The following KCNK9 variants were observed in gnomAD, a reference collection of about 807,000 sequenced individuals.
KCNK9 encodes the protein potassium channel subfamily K member 9.
Under a neutral mutation model 10.8 loss-of-function variants are expected in KCNK9, and 1 was observed. The ratio of observed to expected loss-of-function variants is 0.09; its 90% confidence interval spans 0.03 to 0.44. KCNK9 has a LOEUF of 0.44. KCNK9 is among the 20% of genes least tolerant of loss of function. The pLI is 0.97. For synonymous variants in KCNK9, 231 were observed against 222.7 expected, an observed-to-expected ratio of 1.04 and a Z score of -0.33; for missense variants, 303 against 515.0, an observed-to-expected ratio of 0.59 and a Z score of 3.98.
intron 2 of KCNK9, among the ~76,000 whole-genome samples, chr8:139,601,775 T>G (rs1409698276): frequency 6.6e-6 from 1 of 152,226 alleles, no homozygotes; most frequent in African/African-American, 2.4e-5. Context: ...TTATTGCATG[T>G]TAGGTTCTCT....
At chr8:139,663,739 A>G (rs1257621920) in intron 1 of KCNK9, among the ~76,000 whole-genome samples, 7 of 151,712 alleles carry the variant, frequency 4.6e-5, no homozygotes, top group African/African-American at 1.7e-4. Flanking sequence ...GCCTTAACTC[A>G]GTGTCGCTGC....
intron 1 of KCNK9, among the ~76,000 whole-genome samples, chr8:139,690,361 T>C (rs1354937593): frequency 6.6e-6 from 1 of 152,070 alleles, no homozygotes; most frequent in Non-Finnish European, 1.5e-5. Flanking sequence ...AAAAACAGAA[T>C]CCCATGGGCA....
chr8:139,670,826 A>G lies in KCNK9; in HGVS notation c.283+31884T>C, dbSNP rs1311281930. On this transcript the variant is annotated intron_variant, in intron 1 of 1. Coordinates refer to ENST00000520439, the MANE Select transcript of KCNK9 (RefSeq NM_001282534.2). ...ATGATTTTGTTTTTTAACGTTAAAA[A>G]CAATGTGGTAGGTCAAACGTGGGTG... Among the ~76,000 whole-genome samples, 4 of 152,316 alleles carry G rather than the reference A, an allele frequency of 2.6e-5. No individual in the cohort carries two copies. The East Asian group carries it at 7.7e-4, about 29-fold the overall frequency.
intron 1 of KCNK9, among the ~76,000 whole-genome samples, chr8:139,636,232 A>C (rs901615155): frequency 6.6e-6 from 1 of 152,190 alleles, no homozygotes; most frequent in Non-Finnish European, 1.5e-5. Context: ...ATTCTCCTGG[A>C]TGAAGGAATG....
intron 1 of KCNK9, among the ~76,000 whole-genome samples, chr8:139,700,446 C>G (rs941503656): frequency 6.6e-6 from 1 of 151,702 alleles, no homozygotes; most frequent in African/African-American, 2.4e-5. Flanking sequence ...AACAGGACAG[C>G]TGTGTTAGTG....
intron 1 of KCNK9, among the ~76,000 whole-genome samples, chr8:139,644,944 C>T (rs1165760571): frequency 2.0e-5 from 3 of 152,216 alleles, no homozygotes; most frequent in African/African-American, 7.2e-5. Flanking sequence ...CATCCCCGCC[C>T]ACAGTGCAGA....
At chr8:139,622,702 C>A (rs778852851) in intron 1 of KCNK9, among the ~76,000 whole-genome samples, 1 of 152,190 alleles carries the variant, frequency 6.6e-6, no homozygotes, top group Admixed American at 6.5e-5. Context: ...CCTGCAGAGA[C>A]CCTGTTACAC....
rs1194917905 is a variant in KCNK9, at chr8:139,702,383, G to A, written c.283+327C>T. 6.6e-6 allele frequency among the ~76,000 whole-genome samples: 1 copy of A among 151,924 alleles called. No individual in the cohort carries two copies. Among genetic ancestry groups the A allele is most frequent in the Non-Finnish European group, 1.5e-5 (1 of 67,938 alleles). Reference sequence around the variant, plus strand: ...GCGCCGGGGCGGTGGGTGGGTGGGTGTCTGCTATGGGATTATTCTTAGCGC... The same window carrying A: ...GCGCCGGGGCGGTGGGTGGGTGGGTATCTGCTATGGGATTATTCTTAGCGC... On this transcript the variant is annotated intron_variant, in intron 1 of 1. Coordinates refer to ENST00000520439, the MANE Select transcript of KCNK9 (RefSeq NM_001282534.2). The surrounding 1 kb of genome is among the most constrained non-coding windows in gnomAD (Gnocchi z 7.5).
intron 1 of KCNK9, among the ~76,000 whole-genome samples, chr8:139,619,641 C>G (rs1011908842): frequency 2.6e-5 from 4 of 152,148 alleles, no homozygotes; most frequent in Admixed American, 2.6e-4. Context: ...ATTCTAGCCT[C>G]TAAACAACCA....
intron 1 of KCNK9, among the ~76,000 whole-genome samples, chr8:139,700,789 C>G (rs1241853263): frequency 1.3e-5 from 2 of 152,226 alleles, no homozygotes; most frequent in Non-Finnish European, 2.9e-5. Context: ...TCAGAATCAA[C>G]CATGGAAACA....
chr8:139,661,272 C>T (rs1165379463), intron 1 of KCNK9, among the ~76,000 whole-genome samples: 1 of 152,232 alleles, frequency 6.6e-6, no homozygotes, highest in African/African-American at 2.4e-5. Context: ...TCCACCCACA[C>T]AGAGCTTACA....
intron 1 of KCNK9, among the ~76,000 whole-genome samples, chr8:139,667,707 TG>T (rs1383594628): frequency 6.7e-6 from 1 of 148,200 alleles, no homozygotes; most frequent in African/African-American, 2.5e-5. Context: ...GAAAAAAAAA[TG>T]GTCCTCACAA....
chr8:139,657,241 G>A (rs1816045300), intron 1 of KCNK9, among the ~76,000 whole-genome samples: 1 of 152,204 alleles, frequency 6.6e-6, no homozygotes, highest in Non-Finnish European at 1.5e-5. Context: ...GTGTGCCCTT[G>A]GGTGGGTTGC....
At chr8:139,679,707 C>A (rs1563748800) in intron 1 of KCNK9, among the ~76,000 whole-genome samples, 3 of 152,324 alleles carry the variant, frequency 2.0e-5, no homozygotes, top group Non-Finnish European at 4.4e-5. Flanking sequence ...AAACCCAGGT[C>A]TTTTCAAAGA....
chr8:139,659,298 A>T (rs1216724622), intron 1 of KCNK9, among the ~76,000 whole-genome samples: 5 of 152,154 alleles, frequency 3.3e-5, no homozygotes, highest in African/African-American at 1.2e-4. Context: ...GCACTACAAG[A>T]GCTGCCTTCA....
chr8:139,678,006 C>T (rs1429304746), intron 1 of KCNK9, among the ~76,000 whole-genome samples: 1 of 150,844 alleles, frequency 6.6e-6, no homozygotes, highest in Non-Finnish European at 1.5e-5. Context: ...GTCCCCACGG[C>T]TGCAGAGTAA....
At position 139,677,852 on chromosome 8, in the gene KCNK9, C is replaced by T. The variant is rs146529129; in HGVS notation, c.283+24858G>A. Among the ~76,000 whole-genome samples the T allele has an allele frequency of 8.0e-4, 37 of 46,160 alleles. 1 individual carries two copies. The highest frequency in any genetic ancestry group is 1.8e-3 in the African/African-American group (34 of 19,184). The allele number at this position is 46,160 out of a possible 152,430, so 30.3% of individuals were successfully genotyped here. On this transcript the variant is annotated intron_variant, in intron 1 of 1. Transcript: ENST00000520439. ...CAGCTGCAGAGTAGTACCTCACATC[C>T]CAGCCCAAGGGGTCCCCATGGCTGC...
intron 1 of KCNK9, among the ~76,000 whole-genome samples, chr8:139,624,438 T>C (rs1814900442): frequency 6.6e-6 from 1 of 152,156 alleles, no homozygotes; most frequent in South Asian, 2.1e-4. Context: ...TCGGTTCCAG[T>C]TGAGTGGCTG....
intron 1 of KCNK9, among the ~76,000 whole-genome samples, chr8:139,677,257 C>T (rs1446062656): frequency 6.6e-6 from 1 of 152,140 alleles, no homozygotes; most frequent in African/African-American, 2.4e-5. Flanking sequence ...CTCCTATCAC[C>T]TGTGGGGGTG....
Sources: allele counts gnomAD v4.1 joint callset (sites outside exome capture counted in the v4.1 genomes callset), GRCh38; gene constraint gnomAD v4.1.1; non-coding constraint Gnocchi (gnomAD v3.1); transcripts MANE v1.5; gene names NCBI Gene and HGNC (gene_info 2026-07-23, HGNC 2026-07-21).